Variants in CCNY observed in about 807,000 individuals in gnomAD.
CCNY encodes cyclin Y.
In CCNY, 19 loss-of-function variants were observed where a neutral mutation model predicts 42.8. That is an observed-to-expected ratio of 0.44 (90% CI 0.31 to 0.65). The LOEUF (loss-of-function observed/expected upper bound fraction) is 0.65. Ranked by LOEUF, CCNY falls within the 30% of genes least tolerant of loss-of-function variation. CCNY has a pLI of 0.07. For synonymous variants in CCNY, 165 were observed against 162.7 expected (o/e 1.01, Z -0.11); for missense variants, 370 against 437.3 (o/e 0.85, Z 1.37).
intron 1 of CCNY, among the ~76,000 whole-genome samples, chr10:35,401,364 A>G (rs1837640838): frequency 6.6e-6 from 1 of 152,184 alleles, no homozygotes; most frequent in Non-Finnish European, 1.5e-5. Context: ...TGGAGGTGAT[A>G]CTGAAACCCT....
chr10:35,343,241 G>A (rs530305772), intron 1 of CCNY, among the ~76,000 whole-genome samples: 131 of 151,632 alleles, frequency 8.6e-4, no homozygotes, highest in African/African-American at 2.8e-3. Context: ...CACCCACCTT[G>A]GCCTCCCAAA....
chr10:35,548,923 G>A (rs1221858460), intron 7 of CCNY, among the ~76,000 whole-genome samples: 1 of 152,170 alleles, frequency 6.6e-6, no homozygotes, highest in African/African-American at 2.4e-5. Context: ...CATCTGATAA[G>A]CCATAAAAAT....
chr10:35,546,799 ATATAGT>A (rs1445530937), intron 7 of CCNY, among the ~76,000 whole-genome samples: 1 of 152,182 alleles, frequency 6.6e-6, no homozygotes, highest in Admixed American at 6.6e-5. Flanking sequence ...AATATTACTA[ATATAGT>A]TATTAATATT....
chr10:35,443,861 C>T (rs1053996027), intron 1 of CCNY, among the ~76,000 whole-genome samples: 7 of 152,086 alleles, frequency 4.6e-5, no homozygotes, highest in African/African-American at 1.7e-4. Context: ...CTTTGTTCTC[C>T]TCTATGTATG....
chr10:35,474,765 T>A (rs1352942126), intron 1 of CCNY, among the ~76,000 whole-genome samples: 2 of 152,106 alleles, frequency 1.3e-5, no homozygotes, highest in South Asian at 2.1e-4. Context: ...GGAACGCAGC[T>A]CCTCACCAGC....
At chr10:35,424,393 A>C (rs2135268250) in intron 1 of CCNY, among the ~76,000 whole-genome samples, 1 of 152,060 alleles carries the variant, frequency 6.6e-6, no homozygotes, top group South Asian at 2.1e-4. Context: ...CACCTGGCTA[A>C]GTTTATATTT....
intron 1 of CCNY, among the ~76,000 whole-genome samples, chr10:35,393,711 C>T (rs1163906796): frequency 6.6e-6 from 1 of 152,098 alleles, no homozygotes; most frequent in Non-Finnish European, 1.5e-5. Context: ...GCCATTTTCT[C>T]CAGGCTTTTA....
chr10:35,537,924 T>C (rs1840918805), intron 7 of CCNY, among the ~76,000 whole-genome samples: 1 of 152,186 alleles, frequency 6.6e-6, no homozygotes, highest in African/African-American at 2.4e-5. Context: ...TGATACGGTT[T>C]GGCTGTGTCC....
chr10:35,356,548 G>A (rs1301563738), intron 1 of CCNY, among the ~76,000 whole-genome samples: 1 of 152,172 alleles, frequency 6.6e-6, no homozygotes, highest in Non-Finnish European at 1.5e-5. Flanking sequence ...TGGGTCCACA[G>A]AGCCTAGCAT....
intron 1 of CCNY, among the ~76,000 whole-genome samples, chr10:35,362,971 C>T: frequency 6.6e-6 from 1 of 151,968 alleles, no homozygotes; most frequent in Non-Finnish European, 1.5e-5. Flanking sequence ...GCGCTCCTCA[C>T]TTCCCAGACA....
chr10:35,516,159 C>A (rs1346523474), intron 3 of CCNY, among the ~76,000 whole-genome samples: 2 of 152,162 alleles, frequency 1.3e-5, no homozygotes, highest in African/African-American at 4.8e-5. Context: ...TAAAACCAGG[C>A]CACCATCTAA....
chr10:35,269,394 G>A (rs1260583981), intron 3 of CCNY, among the ~76,000 whole-genome samples: 5 of 151,984 alleles, frequency 3.3e-5, no homozygotes, highest in African/African-American at 1.2e-4. Flanking sequence ...TTGGCTCACT[G>A]CAACCTCCAC....
intron 7 of CCNY, among the ~76,000 whole-genome samples, chr10:35,542,580 A>T (rs1008783651): frequency 3.3e-5 from 5 of 152,190 alleles, no homozygotes; most frequent in Non-Finnish European, 5.9e-5. Flanking sequence ...TGTCAGGACC[A>T]CTGGTCATGC....
intron 2 of CCNY, among the ~76,000 whole-genome samples, chr10:35,489,018 G>A (rs888363347): frequency 6.6e-6 from 1 of 152,064 alleles, no homozygotes; most frequent in African/African-American, 2.4e-5. Context: ...GGTGGCTCAC[G>A]CCTGTAATCC....
chr10:35,565,991 A>G (rs1450685342), intron 8 of CCNY, 32 bp from the exon 9 acceptor site: 2 of 1,594,772 alleles, frequency 1.3e-6, no homozygotes, highest in Middle Eastern at 1.7e-4. Flanking sequence ...TGTGGCAGCT[A>G]AGCATAGGCT....
chr10:35,516,910 G>T (rs968064381), intron 4 of CCNY, among the ~76,000 whole-genome samples: 9 of 151,900 alleles, frequency 5.9e-5, no homozygotes, highest in Non-Finnish European at 1.3e-4. Flanking sequence ...TTTAAATGTA[G>T]ATTACTTAAA....
chr10:35,400,931 C>G (rs1264266639), intron 1 of CCNY, among the ~76,000 whole-genome samples: 1 of 151,560 alleles, frequency 6.6e-6, no homozygotes, highest in Admixed American at 6.6e-5. Flanking sequence ...TTAATGCGCA[C>G]TTTTTTTTTG....
intron 3 of CCNY, among the ~76,000 whole-genome samples, chr10:35,330,073 G>A (rs987885881): frequency 3.4e-4 from 52 of 152,176 alleles, no homozygotes; most frequent in African/African-American, 1.2e-3. Flanking sequence ...TGTCCTGTTA[G>A]GGACAGGGTC....
intron 3 of CCNY, among the ~76,000 whole-genome samples, chr10:35,253,414 A>AATTTTTTTTT (rs775450185): frequency 4.5e-5 from 4 of 89,036 alleles, no homozygotes; most frequent in African/African-American, 1.4e-4. Flanking sequence ...CATGCTCACT[A>AATTTTTTTTT]TTTTTTTTTT....
Sources: gnomAD v4.1 joint callset for allele counts (sites outside exome capture counted in the v4.1 genomes callset) on GRCh38, gnomAD v4.1.1 for gene constraint, MANE v1.5 for transcripts, NCBI Gene and HGNC (gene_info 2026-07-23, HGNC 2026-07-21) for gene names.